The following INSR variants were observed in gnomAD, a reference collection of about 807,000 sequenced individuals.
INSR encodes insulin receptor, also known as IR.
Under a neutral mutation model 142.6 loss-of-function variants are expected in INSR, and 67 were observed. The observed-to-expected ratio is 0.47, with a 90% CI of 0.39 to 0.58. The LOEUF (loss-of-function observed/expected upper bound fraction) is 0.58, where lower values mean the gene tolerates loss of function less well. INSR is among the 20% of genes least tolerant of loss of function. The pLI is 0.00. For missense variants in INSR, 1,248 were observed against 1,833.2 expected (o/e 0.68, Z 5.83); for synonymous variants, 756 against 743.1 (o/e 1.02, Z -0.28).
chr19:7,156,773 T>TA (rs1468374304), intron 9 of INSR, among the ~76,000 whole-genome samples: 1 of 145,608 alleles, frequency 6.9e-6, no homozygotes, highest in African/African-American at 2.5e-5. Context: ...AATACAATAC[T>TA]ATTTCTCTCT....
At chr19:7,219,465 A>AAAAGGGAGGGAGG in intron 2 of INSR, among the ~76,000 whole-genome samples, 1 of 75,452 alleles carries the variant, frequency 1.3e-5, no homozygotes, top group Admixed American at 1.4e-4. Flanking sequence ...AGAGAGAGAG[A>AAAAGGGAGGGAGG]GAGAGAAAAG....
chr19:7,176,456 C>A (rs1974137360), intron 3 of INSR, among the ~76,000 whole-genome samples: 1 of 152,096 alleles, frequency 6.6e-6, no homozygotes, highest in African/African-American at 2.4e-5. Flanking sequence ...CAAAAATTAA[C>A]CAGGTGTGGT....
At chr19:7,190,120 G>C (rs986243857) in intron 2 of INSR, among the ~76,000 whole-genome samples, 7 of 151,892 alleles carry the variant, frequency 4.6e-5, no homozygotes, top group Non-Finnish European at 8.8e-5. Context: ...GCTGAGGCGG[G>C]AGGATTGCTT....
Position 7,267,297 on chromosome 19 carries a change from T to C in INSR, c.652+48A>G, listed in dbSNP as rs201624164. 1.4e-3 allele frequency: 2,212 copies of C among 1,593,242 alleles called. 3 individuals carry two copies. The highest frequency in any genetic ancestry group is 1.8e-3 in the Non-Finnish European group (2,129 of 1,162,044). Reference sequence around the variant, plus strand: ...AAGCCATAAAACATTTTAAGCTTTCTAGAACAAGGCACGAGACACTGCTTA... The same window carrying C: ...AAGCCATAAAACATTTTAAGCTTTCCAGAACAAGGCACGAGACACTGCTTA... On this transcript the variant is annotated intron_variant, in intron 2 of 21. Coordinates refer to ENST00000302850, the MANE Select transcript of INSR (RefSeq NM_000208.4). This position sits in a 1 kb window ranked among gnomAD's most constrained non-coding sequence, Gnocchi z 6.3.
rs10419597 is a variant in INSR, at chr19:7,125,904, G to A, written c.3014-377C>T. ...GGAAGACAGGTTGTAATAGGTTGGG[G>A]AAAAAAAAAGCCAGGATACTTGGAG... On this transcript the variant is annotated intron_variant, in intron 16 of 21. Coordinates refer to ENST00000302850, the MANE Select transcript of INSR (RefSeq NM_000208.4). This position sits in a 1 kb window ranked among gnomAD's most constrained non-coding sequence, Gnocchi z 4.9. Among the ~76,000 whole-genome samples the A allele has an allele frequency of 0.12, 18,782 of 151,290 alleles. 1,176 individuals are homozygous for A. The highest frequency in any genetic ancestry group is 0.15 in the African/African-American group (6,205 of 41,256).
rs1972674351 is a variant in INSR, at chr19:7,127,500, A to G, written c.2946-849T>C. ...CTCATACTACATTTAAATATGATCA[A>G]TGCAGTTGAGGTTATTTACATTATA... On this transcript the variant is annotated intron_variant, in intron 15 of 21. Transcript: ENST00000302850. 2.0e-5 allele frequency among the ~76,000 whole-genome samples: 3 copies of G among 152,306 alleles called. No individual in the cohort carries two copies. In the South Asian group the frequency reaches 6.2e-4, roughly 32 times the overall value.
intron 10 of INSR, chr19:7,152,405 GAAA>G (rs77282303): frequency 6.8e-5 from 23 of 339,152 alleles, no homozygotes; most frequent in African/African-American, 4.6e-4. Flanking sequence ...GAGAGAGAGA[GAAA>G]AAAAAAAATG....
chr19:7,134,570 T>G (rs1025796681), intron 13 of INSR, among the ~76,000 whole-genome samples: 2 of 151,784 alleles, frequency 1.3e-5, no homozygotes, highest in African/African-American at 4.8e-5. Flanking sequence ...ATTGAGACCA[T>G]CCTTGCCAAC....
rs76799388 is a variant in INSR at position 7,120,752 on chromosome 19, G to A, written c.3530-3C>T. On this transcript the variant is annotated splice_polypyrimidine_tract_variant and splice_region_variant and intron_variant, in intron 19 of 21. Transcript: ENST00000302850. ...GATGTCTCTGGTCATTCCAAAGTCT[G>A]ACAACACAAAAGGTTCACACGCTCT... The A allele has an allele frequency of 6.2e-7, 1 of 1,613,720 alleles. No individual in the cohort carries two copies. The highest frequency in any genetic ancestry group is 8.5e-7 in the Non-Finnish European group (1 of 1,179,806).
intron 9 of INSR, among the ~76,000 whole-genome samples, chr19:7,158,966 G>A (rs903847220): frequency 6.6e-6 from 1 of 152,042 alleles, no homozygotes; most frequent in African/African-American, 2.4e-5. Flanking sequence ...GCAATGGCGT[G>A]ATCTCGGCTC....
chr19:7,126,695 G>A (rs754609153), intron 15 of INSR, 44 bp from the exon 16 acceptor site: 5 of 1,526,698 alleles, frequency 3.3e-6, no homozygotes, highest in Non-Finnish European at 4.4e-6. Flanking sequence ...ATTCTCATGG[G>A]ACTCTGCAGA....
chr19:7,197,281 T>C (rs1299870432), intron 2 of INSR, among the ~76,000 whole-genome samples: 3 of 152,234 alleles, frequency 2.0e-5, no homozygotes, highest in Non-Finnish European at 4.4e-5. Context: ...CCAGAGGGCC[T>C]TCCCGCTTCG....
At chr19:7,273,088 T>C (rs1967968662) in intron 1 of INSR, among the ~76,000 whole-genome samples, 1 of 152,190 alleles carries the variant, frequency 6.6e-6, no homozygotes, top group African/African-American at 2.4e-5. Flanking sequence ...TGCACAACTG[T>C]AAATGTCCTC....
At chr19:7,140,687 C>A (rs1973047582) in intron 13 of INSR, among the ~76,000 whole-genome samples, 1 of 151,914 alleles carries the variant, frequency 6.6e-6, no homozygotes. Flanking sequence ...AATTGGAATG[C>A]ATCTTACAAG....
intron 8 of INSR, among the ~76,000 whole-genome samples, chr19:7,163,925 T>TAA (rs748862314): frequency 0.075 from 3,348 of 44,574 alleles, 247 homozygotes; most frequent in Middle Eastern, 0.11. Context: ...CTATCTCTAC[T>TAA]AAAAAAAAAA....
rs370000757 is a variant in INSR at position 7,218,574 on chromosome 19, TC to T, written c.653-33938del. ...TTGTTTTTATGAAACGAAGTCTCGC[TC>T]TGTTGCCCAGGCTGGAGTGCAGTGG... On this transcript the variant is annotated intron_variant, in intron 2 of 21. Transcript: ENST00000302850. Among the ~76,000 whole-genome samples, 84 of 152,280 alleles carry T rather than the reference TC, an allele frequency of 5.5e-4. No individual in the cohort carries two copies. In the East Asian group the frequency reaches 0.016, roughly 28 times the overall value.
At chr19:7,255,320 C>T (rs527892037) in intron 2 of INSR, among the ~76,000 whole-genome samples, 1 of 152,042 alleles carries the variant, frequency 6.6e-6, no homozygotes, top group Non-Finnish European at 1.5e-5. Flanking sequence ...GTGGAAACAG[C>T]CCCTCCTAAA....
chr19:7,142,255 T>C (rs1973087045), intron 12 of INSR, among the ~76,000 whole-genome samples: 1 of 150,290 alleles, frequency 6.7e-6, no homozygotes, highest in African/African-American at 2.5e-5. Flanking sequence ...ACAGGTGTGG[T>C]GGCACACGCA....
At chr19:7,242,791 A>T (rs1461396796) in intron 2 of INSR, among the ~76,000 whole-genome samples, 2 of 151,854 alleles carry the variant, frequency 1.3e-5, no homozygotes, top group Non-Finnish European at 2.9e-5. Context: ...AATATCATGA[A>T]ACCAAAAATA....
Sources: allele counts gnomAD v4.1 joint callset (sites outside exome capture counted in the v4.1 genomes callset), GRCh38; gene constraint gnomAD v4.1.1; non-coding constraint Gnocchi (gnomAD v3.1); transcripts MANE v1.5; gene names NCBI Gene and HGNC (gene_info 2026-07-23, HGNC 2026-07-21).